Variants in TAAR5 observed in about 807,000 individuals in gnomAD.
TAAR5 encodes trace amine-associated receptor 5.
In TAAR5, 27 loss-of-function variants were observed where a neutral mutation model predicts 21.1. The ratio of observed to expected loss-of-function variants is 1.28; its 90% CI spans 0.94 to 1.76. TAAR5 has a LOEUF of 1.76. Ranked by LOEUF, TAAR5 falls within the 40% of genes most tolerant of loss-of-function variation. TAAR5 has a pLI of 0.00. For synonymous variants in TAAR5, 203 were observed against 167.5 expected (o/e 1.21, Z -1.64); for missense variants, 495 against 405.6 (o/e 1.22, Z -1.89).
chr6:132,616,700 C>T, the TAAR5 span, among the ~76,000 whole-genome samples: 2 of 152,150 alleles, frequency 1.3e-5, no homozygotes, highest in Non-Finnish European at 2.9e-5. Context: ...ATTTACTTAC[C>T]TATCATTTTT....
At chr6:132,595,689 TGA>T in the TAAR5 span, among the ~76,000 whole-genome samples, 1 of 152,188 alleles carries the variant, frequency 6.6e-6, no homozygotes, top group Non-Finnish European at 1.5e-5. Flanking sequence ...AGGGGAGGGC[TGA>T]GAGTCTGCAT....
At chr6:132,589,872 T>C (rs1405083991), upstream of TAAR5, among the ~76,000 whole-genome samples, 3 of 151,306 alleles carry the variant, frequency 2.0e-5, no homozygotes, top group Non-Finnish European at 4.4e-5. Flanking sequence ...GAATCAAATG[T>C]GCCCTGAAAA....
the TAAR5 span, among the ~76,000 whole-genome samples, chr6:132,610,318 C>A: frequency 0.13 from 19,149 of 152,142 alleles, 3,304 homozygotes; most frequent in African/African-American, 0.39. Context: ...CACAGAAAAG[C>A]AGGCCCAATC....
chr6:132,599,125 C>T, the TAAR5 span, among the ~76,000 whole-genome samples: 1 of 152,106 alleles, frequency 6.6e-6, no homozygotes, highest in Non-Finnish European at 1.5e-5. Flanking sequence ...GGCTTCAACA[C>T]AATTGGATGA....
At chr6:132,591,464 C>T (rs1776906435), upstream of TAAR5, among the ~76,000 whole-genome samples, 1 of 152,272 alleles carries the variant, frequency 6.6e-6, no homozygotes, top group South Asian at 2.1e-4. Context: ...ATGGCTAAAC[C>T]CAGTGTTTCC....
the TAAR5 span, among the ~76,000 whole-genome samples, chr6:132,599,388 G>A: frequency 1.4e-5 from 2 of 141,036 alleles, no homozygotes; most frequent in East Asian, 4.1e-4. Flanking sequence ...GGAATGCAGT[G>A]GTGGATCTTG....
At chr6:132,608,081 G>A in the TAAR5 span, 1 of 327,564 alleles carries the variant, frequency 3.1e-6, no homozygotes, top group Non-Finnish European at 5.9e-6. Context: ...ACTAGTCAAA[G>A]ATAGTGAATG....
At chr6:132,593,927 G>C (rs1182665809), upstream of TAAR5, among the ~76,000 whole-genome samples, 1 of 152,106 alleles carries the variant, frequency 6.6e-6, no homozygotes, top group Non-Finnish European at 1.5e-5. Flanking sequence ...TCACTAGCAT[G>C]CTCCATAACT....
the TAAR5 span, among the ~76,000 whole-genome samples, chr6:132,607,912 A>C: frequency 6.6e-6 from 1 of 152,218 alleles, no homozygotes; most frequent in African/African-American, 2.4e-5. Context: ...CTTTTTAAAA[A>C]ATTCTTATAT....
Position 132,589,011 on chromosome 6 carries a change from C to A in TAAR5, c.676G>T (p.Ala226Ser), listed in dbSNP as rs1450704544. Residue 226 changes from alanine (A) to serine (S), a missense_variant, in exon 1 of 1, where the codon GCT becomes TCT. Physicochemically the swap from Ala to Ser is moderately conservative, Grantham distance 99. Transcript: ENST00000258034. ...ISLYVKIFVV[A>S]TRQAQQITTL... Reference sequence around the variant, plus strand: ...GTAATCTGCTGAGCCTGTCTGGTAGCAACCACAAAGATCTTCACATACAAG... The same window carrying A: ...GTAATCTGCTGAGCCTGTCTGGTAGAAACCACAAAGATCTTCACATACAAG... 5 of 1,614,006 alleles carry A rather than the reference C, an allele frequency of 3.1e-6. No homozygotes were observed. Among genetic ancestry groups the A allele is most frequent in the Non-Finnish European group, 3.4e-6 (4 of 1,179,970 alleles).
Position 132,588,692 on chromosome 6 carries a change from A to G in TAAR5, c.995T>C (p.Val332Ala). The G allele has an allele frequency of 6.2e-7, 1 of 1,612,818 alleles. No homozygotes were observed. The highest frequency in any genetic ancestry group is 8.5e-7 in the Non-Finnish European group (1 of 1,179,258). ...AAGGAATCATTCTTGGTACAAATCA[A>G]CAGTGCGTGTCTGCGGTGAGAAGAC... ...QKVFSPQTRT[V>A]DLYQE Residue 332 changes from valine to alanine, a missense_variant, in exon 1 of 1, where the codon GTT becomes GCT. Coordinates refer to ENST00000258034, the MANE Select transcript of TAAR5 (RefSeq NM_003967.3).
Position 132,589,334 on chromosome 6 carries a change from C to A in TAAR5, c.353G>T (p.Cys118Phe). Residue 118 changes from cysteine to phenylalanine, a missense_variant, in exon 1 of 1, where the codon TGC (cysteine) becomes TTC (phenylalanine). Physicochemically the swap from Cys to Phe is radical, Grantham distance 205. Transcript: ENST00000258034. ...RLHTYLDTLF[C>F]LTSIFHLCFI... ...ACAGAGATGGAAGATGGAGGTGAGGCAGAAGAGGGTGTCCAGGTAGGTGTG... is the reference window on the plus strand; with the variant it reads ...ACAGAGATGGAAGATGGAGGTGAGGAAGAAGAGGGTGTCCAGGTAGGTGTG... 6.2e-7 allele frequency: 1 copy of A among 1,613,892 alleles called. No homozygotes were observed. Among genetic ancestry groups the A allele is most frequent in the Non-Finnish European group, 8.5e-7 (1 of 1,179,942 alleles).
the TAAR5 span, chr6:132,609,238 A>G: frequency 5.7e-6 from 2 of 348,408 alleles, no homozygotes; most frequent in Admixed American, 8.3e-5. Flanking sequence ...CAAATTTTGG[A>G]CAACTGGATA....
the TAAR5 span, chr6:132,608,811 C>T: frequency 2.2e-6 from 1 of 455,958 alleles, no homozygotes; most frequent in Non-Finnish European, 4.4e-6. Flanking sequence ...CAGGAACTGA[C>T]CAGCAAAATG....
At chr6:132,598,453 T>C in the TAAR5 span, among the ~76,000 whole-genome samples, 2,951 of 152,336 alleles carry the variant, frequency 0.019, 42 homozygotes, top group Middle Eastern at 0.058. Flanking sequence ...ATTAGGCTGG[T>C]GAAATTAATA....
At chr6:132,596,954 A>G in the TAAR5 span, among the ~76,000 whole-genome samples, 1 of 152,068 alleles carries the variant, frequency 6.6e-6, no homozygotes, top group Non-Finnish European at 1.5e-5. Context: ...TTCTTTTTAA[A>G]TTCTTTTAAA....
upstream of TAAR5, among the ~76,000 whole-genome samples, chr6:132,592,479 A>C (rs1776920250): frequency 1.3e-5 from 2 of 152,218 alleles, no homozygotes; most frequent in African/African-American, 4.8e-5. Context: ...GATTCCTCAA[A>C]ATCTGTCTGA....
the TAAR5 span, among the ~76,000 whole-genome samples, chr6:132,610,663 T>C: frequency 3.3e-5 from 5 of 152,328 alleles, no homozygotes; most frequent in South Asian, 1.0e-3. Flanking sequence ...CACAGGAAGG[T>C]GTCTCCTTGC....
chr6:132,588,906 A>G lies in TAAR5; in HGVS notation c.781T>C (p.Tyr261His). 6.2e-7 allele frequency: 1 copy of G among 1,614,166 alleles called. No homozygotes were observed. Among genetic ancestry groups the G allele is most frequent in the African/African-American group, 1.3e-5 (1 of 75,058 alleles). Reference sequence around the variant, plus strand: ...GTGAAGGGCAGCCAGCACAAGAGGTATATGCCCACAGCAATGCCCAGGGTC... The same window carrying G: ...GTGAAGGGCAGCCAGCACAAGAGGTGTATGCCCACAGCAATGCCCAGGGTC... ...AKTLGIAVGI[Y>H]LLCWLPFTID... The change falls in exon 1 of 1, where the codon TAC becomes CAC. Residue 261 changes from tyrosine (Y) to histidine (H), a missense_variant. Transcript: ENST00000258034.
Sources: allele counts gnomAD v4.1 joint callset (sites outside exome capture counted in the v4.1 genomes callset), GRCh38; gene constraint gnomAD v4.1.1; transcripts MANE v1.5; gene names NCBI Gene and HGNC (gene_info 2026-07-23, HGNC 2026-07-21).